Variants in MAP4K4 observed in about 807,000 individuals in gnomAD.
MAP4K4 encodes the protein mitogen-activated protein kinase kinase kinase kinase 4.
Under a neutral mutation model 189.6 loss-of-function variants are expected in MAP4K4, and 38 were observed. The ratio of observed to expected loss-of-function variants is 0.20; its 90% CI spans 0.15 to 0.26. The LOEUF (loss-of-function observed/expected upper bound fraction) is 0.26, where lower values mean the gene tolerates loss of function less well. Among genes scored for constraint, MAP4K4 ranks in the 10% least tolerant of loss-of-function variants. The probability of loss-of-function intolerance (pLI) is 1.00; values close to 1 mark genes in which losing one functional copy is unlikely to be tolerated. For missense variants in MAP4K4, 1,054 were observed against 1,726.9 expected (o/e 0.61, Z 6.91); for synonymous variants, 610 against 624.3 (o/e 0.98, Z 0.34).
At chr2:101,729,099 A>AGTGTGTGTGTGT (rs1446413696) in intron 2 of MAP4K4, among the ~76,000 whole-genome samples, 73 of 56,754 alleles carry the variant, frequency 1.3e-3, no homozygotes, top group South Asian at 2.4e-3. Flanking sequence ...AGAGAGAGAG[A>AGTGTGTGTGTGT]GAGTGTGTGT....
intron 27 of MAP4K4, among the ~76,000 whole-genome samples, chr2:101,878,050 A>G (rs1319234558): frequency 1.3e-5 from 2 of 152,212 alleles, no homozygotes; most frequent in African/African-American, 4.8e-5. Context: ...CGCCCGGCCA[A>G]TTATGTCTCT....
At chr2:101,859,227 A>G (rs888800276) in intron 14 of MAP4K4, 145 bp downstream of exon 14, 9 of 633,324 alleles carry the variant, frequency 1.4e-5, no homozygotes, top group African/African-American at 5.5e-5. Flanking sequence ...TTGTGGTCCT[A>G]TTGCTAGCAC....
At chr2:101,887,024 CAAAA>C (rs569902749) in intron 29 of MAP4K4, 60 bp from the exon 30 acceptor site, 4,865 of 840,522 alleles carry the variant, frequency 5.8e-3, no homozygotes, top group South Asian at 9.5e-3. Context: ...GACTCCGTCT[CAAAA>C]AAAAAAAAAA....
rs562974001 is a variant in MAP4K4 at position 101,859,211 on chromosome 2, C to T, written c.1482+129C>T. 8 of 687,914 alleles carry T rather than the reference C, an allele frequency of 1.2e-5. No individual in the cohort carries two copies. In the African/African-American group the frequency reaches 1.4e-4, roughly 12 times the overall value. The allele number at this position is 687,914 out of a possible 1,614,324, so 42.6% of individuals were successfully genotyped here. On this transcript the variant is annotated intron_variant, in intron 14 of 32. Coordinates refer to ENST00000324219, the Ensembl canonical transcript of MAP4K4. ...GGGCAGCCAGGCTGAAATAGTGATGCCCATTTTGTGGTCCTATTGCTAGCA... is the reference window on the plus strand; with the variant it reads ...GGGCAGCCAGGCTGAAATAGTGATGTCCATTTTGTGGTCCTATTGCTAGCA...
At chr2:101,704,928 C>A (rs2041492518) in intron 2 of MAP4K4, among the ~76,000 whole-genome samples, 1 of 152,032 alleles carries the variant, frequency 6.6e-6, no homozygotes, top group South Asian at 2.1e-4. Context: ...CACTGCTCAC[C>A]AAACAGAATT....
At chr2:101,808,993 G>A (rs1196122333) in intron 3 of MAP4K4, among the ~76,000 whole-genome samples, 1 of 152,140 alleles carries the variant, frequency 6.6e-6, no homozygotes, top group Non-Finnish European at 1.5e-5. Context: ...GTCACTCAAG[G>A]AAAGCCCCCA....
chr2:101,752,686 A>G (rs2069779420), intron 2 of MAP4K4, among the ~76,000 whole-genome samples: 1 of 152,206 alleles, frequency 6.6e-6, no homozygotes, highest in South Asian at 2.1e-4. Context: ...ATTTAGCTGA[A>G]GAAAAAACCG....
intron 3 of MAP4K4, among the ~76,000 whole-genome samples, chr2:101,821,263 A>G (rs2096039917): frequency 6.6e-6 from 1 of 152,240 alleles, no homozygotes; most frequent in Non-Finnish European, 1.5e-5. Flanking sequence ...TCAAAGTCAC[A>G]TGACAAGTGT....
intron 3 of MAP4K4, among the ~76,000 whole-genome samples, chr2:101,808,575 G>A (rs1166554685): frequency 6.8e-6 from 1 of 146,228 alleles, no homozygotes; most frequent in Non-Finnish European, 1.5e-5. Context: ...TATACCTACG[G>A]TGGTGAATTT....
At chr2:101,850,828 C>A (rs1004815792) in intron 12 of MAP4K4, among the ~76,000 whole-genome samples, 1 of 152,108 alleles carries the variant, frequency 6.6e-6, no homozygotes, top group African/African-American at 2.4e-5. Context: ...ATTCCTCATA[C>A]GTGATTTATT....
Position 101,776,765 on chromosome 2 carries a change from C to T in MAP4K4, c.124-13955C>T, listed in dbSNP as rs191805494. On this transcript the variant is annotated intron_variant, in intron 2 of 32. Coordinates refer to ENST00000324219, the Ensembl canonical transcript of MAP4K4. ...TAATTTGAAGTGGAAGAAGTGCAAC[C>T]GTAAGAGGACACACAGAGGCTATTT... Among the ~76,000 whole-genome samples, 198 of 152,000 alleles carry T rather than the reference C, an allele frequency of 1.3e-3. 1 individual carries two copies. The highest frequency in any genetic ancestry group is 2.2e-3 in the Non-Finnish European group (152 of 67,976).
In MAP4K4 at chr2:101,699,103, C is replaced by T. The variant is rs538788808; in HGVS notation, c.123+565C>T. 7.2e-5 allele frequency among the ~76,000 whole-genome samples: 11 copies of T among 152,276 alleles called. No homozygotes were observed. The South Asian group carries it at 2.1e-3, about 29-fold the overall frequency. Reference sequence around the variant, plus strand: ...GGAGGAGTGTGTGTTTGGGCAACAGCAGCAGGAAGAATTACAGTGTGGGGA... The same window carrying T: ...GGAGGAGTGTGTGTTTGGGCAACAGTAGCAGGAAGAATTACAGTGTGGGGA... On this transcript the variant is annotated intron_variant, in intron 2 of 32. Coordinates refer to ENST00000324219, the Ensembl canonical transcript of MAP4K4.
At chr2:101,745,458 AGT>A (rs2065005314) in intron 2 of MAP4K4, among the ~76,000 whole-genome samples, 1 of 150,332 alleles carries the variant, frequency 6.7e-6, no homozygotes, top group Non-Finnish European at 1.5e-5. Context: ...AAAAAAAAAA[AGT>A]ATTAGAATCT....
chr2:101,772,124 A>G (rs1379783965), intron 2 of MAP4K4, among the ~76,000 whole-genome samples: 2 of 152,226 alleles, frequency 1.3e-5, no homozygotes, highest in African/African-American at 2.4e-5. Flanking sequence ...ACATTGCCCA[A>G]ATAAACATTT....
At chr2:101,800,816 T>C (rs1264831637) in intron 3 of MAP4K4, among the ~76,000 whole-genome samples, 1 of 152,204 alleles carries the variant, frequency 6.6e-6, no homozygotes, top group Non-Finnish European at 1.5e-5. Flanking sequence ...TAATTATGCT[T>C]TAGGAATAAC....
chr2:101,844,085 CT>C lies in MAP4K4; in HGVS notation c.1023-15del, dbSNP rs753396196. The C allele has an allele frequency of 1.2e-6, 2 of 1,600,614 alleles. No individual in the cohort carries two copies. The highest frequency in any genetic ancestry group is 1.3e-5 in the African/African-American group (1 of 74,734). On this transcript the variant is annotated splice_polypyrimidine_tract_variant and intron_variant, in intron 11 of 32. Coordinates refer to ENST00000324219, the Ensembl canonical transcript of MAP4K4. ...TGATCGGTGCACACCCCTGAAAGCC[CT>C]GCTTTTTCCAACAGTTCCATTGTGA...
intron 12 of MAP4K4, among the ~76,000 whole-genome samples, chr2:101,845,385 C>G (rs988759066): frequency 1.3e-5 from 2 of 152,050 alleles, no homozygotes; most frequent in African/African-American, 4.8e-5. Flanking sequence ...TATTATTTCC[C>G]TATACAGTCA....
chr2:101,728,387 A>G (rs1010773288), intron 2 of MAP4K4, among the ~76,000 whole-genome samples: 18 of 152,162 alleles, frequency 1.2e-4, no homozygotes, highest in African/African-American at 4.3e-4. Flanking sequence ...TTTGAGATAA[A>G]ATTATTTGAG....
chr2:101,708,662 A>G (rs945482066), intron 2 of MAP4K4, among the ~76,000 whole-genome samples: 8 of 152,146 alleles, frequency 5.3e-5, no homozygotes, highest in African/African-American at 1.7e-4. Context: ...TCAAGCTTAC[A>G]TTTCAGTGAT....
Sources: allele counts gnomAD v4.1 joint callset (sites outside exome capture counted in the v4.1 genomes callset), GRCh38; gene constraint gnomAD v4.1.1; transcripts MANE v1.5; gene names NCBI Gene and HGNC (gene_info 2026-07-23, HGNC 2026-07-21).